IRS1: variants seen among roughly 807,000 people sequenced by gnomAD.
The protein encoded by IRS1 is insulin receptor substrate 1.
A neutral mutation model predicts 65.6 loss-of-function variants in IRS1; 34 were observed. The observed-to-expected ratio is 0.52, with a 90% CI of 0.39 to 0.69. IRS1 has a LOEUF of 0.69. Ranked by LOEUF, IRS1 falls within the 30% of genes least tolerant of loss-of-function variation. The probability of loss-of-function intolerance (pLI) is 0.00; values close to 1 mark genes in which losing one functional copy is unlikely to be tolerated. For synonymous variants in IRS1, 699 were observed against 683.5 expected, an observed-to-expected ratio of 1.02 and a Z score of -0.35; for missense variants, 1,641 against 1,720.2, an observed-to-expected ratio of 0.95 and a Z score of 0.81.
intron 1 of IRS1, among the ~76,000 whole-genome samples, chr2:226,766,157 A>ATTTTT (rs1939040644): frequency 1.0e-3 from 6 of 5,776 alleles, no homozygotes; most frequent in Non-Finnish European, 2.4e-3. Flanking sequence ...ATATATATAT[A>ATTTTT]TATATATTTT....
At chr2:226,776,561 T>A (rs1018226913) in intron 1 of IRS1, among the ~76,000 whole-genome samples, 1 of 152,174 alleles carries the variant, frequency 6.6e-6, no homozygotes, top group Non-Finnish European at 1.5e-5. Flanking sequence ...CAGGTACACT[T>A]GATAGGTGAT....
chr2:226,786,467 C>T (rs1352978149), intron 1 of IRS1, among the ~76,000 whole-genome samples: 1 of 151,942 alleles, frequency 6.6e-6, no homozygotes, highest in African/African-American at 2.4e-5. Context: ...TGAGCATATT[C>T]TTCCATAGAA....
In IRS1 at chr2:226,797,410, G is replaced by A. The variant is rs1197922965; in HGVS notation, c.1329C>T (p.Arg443=). ...SSPCDFRSSF[R]SVTPDSLGHT... ...GGCCCAGGGAATCCGGAGTGACACT[G>A]CGGAAGGAACTCCGGAAATCGCAGG... The change falls in exon 1 of 2, where the codon CGC becomes CGT. Residue 443 remains arginine, a synonymous_variant. Transcript: ENST00000305123. This position sits in a 1 kb window ranked among gnomAD's most constrained non-coding sequence, Gnocchi z 8.1. 6 of 1,612,608 alleles carry A rather than the reference G, an allele frequency of 3.7e-6. No individual in the cohort carries two copies. The highest frequency in any genetic ancestry group is 4.2e-6 in the Non-Finnish European group (5 of 1,179,488).
rs1574663546 is a variant in IRS1, at chr2:226,794,920, C to T, written c.*21+69G>A. Reference sequence around the variant, plus strand: ...GGGAAAGAACAGGAAGGGGCAGAGGCGAAGAACAGAATTCAAGGACAAGGT... The same window carrying T: ...GGGAAAGAACAGGAAGGGGCAGAGGTGAAGAACAGAATTCAAGGACAAGGT... On this transcript the variant is annotated intron_variant, in intron 1 of 1. Transcript: ENST00000305123. This position sits in a 1 kb window ranked among gnomAD's most constrained non-coding sequence, Gnocchi z 4.1. 7.3e-6 allele frequency: 10 copies of T among 1,370,692 alleles called. No individual in the cohort carries two copies. In the East Asian group the frequency reaches 9.1e-5, roughly 13 times the overall value. The allele number at this position is 1,370,692 out of a possible 1,614,324, so 84.9% of individuals were successfully genotyped here.
intron 1 of IRS1, among the ~76,000 whole-genome samples, chr2:226,786,539 G>A (rs1482050369): frequency 5.9e-5 from 9 of 151,498 alleles, no homozygotes; most frequent in African/African-American, 1.5e-4. Context: ...TTTATAAGCA[G>A]TCTATCTCTG....
At chr2:226,776,745 A>G (rs941562684) in intron 1 of IRS1, among the ~76,000 whole-genome samples, 1 of 152,154 alleles carries the variant, frequency 6.6e-6, no homozygotes, top group East Asian at 1.9e-4. Context: ...CGTCTCTACT[A>G]AAAATACAAA....
chr2:226,734,048 G>T lies in IRS1; in HGVS notation c.*2224C>A, dbSNP rs962044581. On this transcript the variant is annotated 3_prime_UTR_variant, in exon 2 of 2. Coordinates refer to ENST00000305123, the MANE Select transcript of IRS1 (RefSeq NM_005544.3). Reference sequence around the variant, plus strand: ...TGAGAAATAATAACCAGCTTTACAGGAAAATGGTTGGGAGTGACTTTGTTC... The same window carrying T: ...TGAGAAATAATAACCAGCTTTACAGTAAAATGGTTGGGAGTGACTTTGTTC... 2 of 152,120 alleles carry T rather than the reference G, an allele frequency of 1.3e-5. No individual in the cohort carries two copies. Among genetic ancestry groups the T allele is most frequent in the Non-Finnish European group, 2.9e-5 (2 of 68,018 alleles). 9.4% of individuals were successfully genotyped at this position (152,120 alleles called of 1,614,324 possible).
chr2:226,750,153 G>A (rs1434411012), intron 1 of IRS1, among the ~76,000 whole-genome samples: 2 of 151,486 alleles, frequency 1.3e-5, no homozygotes, highest in Non-Finnish European at 2.9e-5. Context: ...GGAGGCTGAG[G>A]CAGGAGAATC....
intron 1 of IRS1, among the ~76,000 whole-genome samples, chr2:226,742,413 A>G (rs1938456647): frequency 1.3e-5 from 2 of 152,212 alleles, no homozygotes; most frequent in Non-Finnish European, 2.9e-5. Context: ...GCTGGAAAGA[A>G]CTTGGTTTTG....
chr2:226,737,894 T>TA (rs1264120963), intron 1 of IRS1, among the ~76,000 whole-genome samples: 1 of 152,072 alleles, frequency 6.6e-6, no homozygotes, highest in Non-Finnish European at 1.5e-5. Flanking sequence ...AGGAGTTAAA[T>TA]AAATGAAAAG....
chr2:226,775,568 G>C (rs1939256464), intron 1 of IRS1, among the ~76,000 whole-genome samples: 1 of 152,198 alleles, frequency 6.6e-6, no homozygotes, highest in Non-Finnish European at 1.5e-5. Context: ...GTATGGGTTA[G>C]TACACACATA....
chr2:226,746,986 C>T (rs1432273048), intron 1 of IRS1, among the ~76,000 whole-genome samples: 2 of 151,924 alleles, frequency 1.3e-5, no homozygotes, highest in East Asian at 3.9e-4. Flanking sequence ...GACGGGGTTT[C>T]ACCATGTTGG....
chr2:226,765,641 C>T (rs994469325), intron 1 of IRS1, among the ~76,000 whole-genome samples: 7 of 152,138 alleles, frequency 4.6e-5, no homozygotes, highest in Admixed American at 3.3e-4. Flanking sequence ...AACAGCTGGC[C>T]TCACAGCTTT....
At chr2:226,788,032 GTC>G (rs1553534142) in intron 1 of IRS1, among the ~76,000 whole-genome samples, 1 of 142,706 alleles carries the variant, frequency 7.0e-6, no homozygotes, top group Non-Finnish European at 1.6e-5. Context: ...AAAAAAAAAC[GTC>G]TCTTTGATCA....
Position 226,794,879 on chromosome 2 carries a change from T to C in IRS1, c.*21+110A>G. Reference sequence around the variant, plus strand: ...GTGCCCTGAGAATGTAAGTGCATTCTCCCTGAGGAAGCAGTGGGAAAGAAC... The same window carrying C: ...GTGCCCTGAGAATGTAAGTGCATTCCCCCTGAGGAAGCAGTGGGAAAGAAC... On this transcript the variant is annotated intron_variant, in intron 1 of 1. Transcript: ENST00000305123. This position sits in a 1 kb window ranked among gnomAD's most constrained non-coding sequence, Gnocchi z 4.1. 3.1e-6 allele frequency: 3 copies of C among 953,938 alleles called. No individual in the cohort carries two copies. The highest frequency in any genetic ancestry group is 3.4e-6 in the Non-Finnish European group (2 of 593,856). The allele number at this position is 953,938 out of a possible 1,614,324, so 59.1% of individuals were successfully genotyped here.
In IRS1 at chr2:226,795,836, G is replaced by A; in HGVS notation, c.2903C>T (p.Ala968Val). Residue 968 changes from alanine to valine, a missense_variant, in exon 1 of 2, where the codon GCA becomes GTA. Ala to Val is a moderately conservative substitution (Grantham distance 64). Around this residue, in one of 3 missense-constraint regions of IRS1, gnomAD observed 1,324 missense variants for 1,361.0 expected, o/e 0.97. Transcript: ENST00000305123. Reference protein sequence around the residue: ...TGVEMGRLGPAPPGAASICRP... With the variant: ...TGVEMGRLGPVPPGAASICRP... ...GCAAATGCTAGCAGCCCCGGGAGGT[G>A]CAGGGCCCAGTCTGCCCATCTCGAC... The A allele has an allele frequency of 1.9e-6, 3 of 1,613,200 alleles. No homozygotes were observed. Among genetic ancestry groups the A allele is most frequent in the Non-Finnish European group, 1.7e-6 (2 of 1,179,898 alleles).
At chr2:226,759,515 T>G (rs1045565074) in intron 1 of IRS1, among the ~76,000 whole-genome samples, 1 of 152,246 alleles carries the variant, frequency 6.6e-6, no homozygotes, top group Non-Finnish European at 1.5e-5. Flanking sequence ...TCCACAATTC[T>G]GTAGCACTTC....
intron 1 of IRS1, among the ~76,000 whole-genome samples, chr2:226,776,614 G>A (rs1574655343): frequency 1.3e-5 from 2 of 152,292 alleles, no homozygotes; most frequent in South Asian, 4.1e-4. Context: ...CTGTTACAAA[G>A]TGTAATCCTT....
chr2:226,799,207 A>T lies in IRS1; in HGVS notation c.-469T>A. ...AAGCAGCGATTCCCGAGGCAAATTA[A>T]ATATCCTTGGGCAGGGGGAGGCGGG... On this transcript the variant is annotated 5_prime_UTR_variant, in exon 1 of 2. Coordinates refer to ENST00000305123, the MANE Select transcript of IRS1 (RefSeq NM_005544.3). The surrounding 1 kb of genome is among the most constrained non-coding windows in gnomAD (Gnocchi z 6.1). The T allele has an allele frequency of 9.1e-7, 1 of 1,101,572 alleles. No individual in the cohort carries two copies. Among genetic ancestry groups the T allele is most frequent in the Non-Finnish European group, 1.1e-6 (1 of 889,784 alleles). 68.2% of individuals were successfully genotyped at this position (1,101,572 alleles called of 1,614,324 possible). A position where few individuals can be genotyped will look rare whatever the true frequency, so the allele number is the denominator to read the frequency against.
Sources: gnomAD v4.1 joint callset for allele counts (sites outside exome capture counted in the v4.1 genomes callset) on GRCh38, gnomAD v4.1.1 for gene constraint, gnomAD v4.1.1 regional missense constraint, Gnocchi (gnomAD v3.1) non-coding constraint, MANE v1.5 for transcripts, NCBI Gene and HGNC (gene_info 2026-07-23, HGNC 2026-07-21) for gene names.